Variants in ADK observed in about 807,000 individuals in gnomAD.
ADK encodes adenosine kinase, also known as N6,N6-dimethyladenosine kinase.
Under a neutral mutation model 44.7 loss-of-function variants are expected in ADK, and 24 were observed. The observed-to-expected ratio is 0.54, with a 90% CI of 0.39 to 0.76. ADK has a LOEUF of 0.76. Ranked by LOEUF, ADK falls within the 30% of genes least tolerant of loss-of-function variation. ADK has a pLI of 0.00. For synonymous variants in ADK, 128 were observed against 142.6 expected, an observed-to-expected ratio of 0.90 and a Z score of 0.73; for missense variants, 321 against 425.1, an observed-to-expected ratio of 0.76 and a Z score of 2.15.
At chr10:74,492,628 G>A (rs1479693002) in intron 6 of ADK, among the ~76,000 whole-genome samples, 3 of 152,164 alleles carry the variant, frequency 2.0e-5, no homozygotes, top group Non-Finnish European at 4.4e-5. Context: ...ATGATGTGAC[G>A]TTAACACATC....
intron 4 of ADK, among the ~76,000 whole-genome samples, chr10:74,333,091 A>G (rs190322972): frequency 1.1e-4 from 17 of 152,324 alleles, no homozygotes; most frequent in African/African-American, 3.6e-4. Context: ...TCTAACAGTT[A>G]CTTGGAGTCT....
At chr10:74,487,190 T>C (rs1847296647) in intron 6 of ADK, among the ~76,000 whole-genome samples, 1 of 152,052 alleles carries the variant, frequency 6.6e-6, no homozygotes, top group Non-Finnish European at 1.5e-5. Context: ...GGATTAGCCA[T>C]AGATATTTTG....
chr10:74,524,472 A>C (rs1848962182), intron 6 of ADK, among the ~76,000 whole-genome samples: 1 of 152,116 alleles, frequency 6.6e-6, no homozygotes, highest in South Asian at 2.1e-4. Context: ...GGCTCACTTC[A>C]ACCTCCACCA....
intron 9 of ADK, among the ~76,000 whole-genome samples, chr10:74,649,972 T>C (rs1854201540): frequency 6.6e-6 from 1 of 152,198 alleles, no homozygotes; most frequent in African/African-American, 2.4e-5. Flanking sequence ...GTCCAGTGTA[T>C]GTTCTCTTCA....
At chr10:74,274,137 C>T (rs183376571) in intron 3 of ADK, among the ~76,000 whole-genome samples, 2 of 152,280 alleles carry the variant, frequency 1.3e-5, no homozygotes, top group Middle Eastern at 3.4e-3. Context: ...TTTTTACTCT[C>T]CCAAAACTTA....
chr10:74,660,772 G>A (rs1183555868), intron 9 of ADK, among the ~76,000 whole-genome samples: 2 of 146,948 alleles, frequency 1.4e-5, no homozygotes, highest in Non-Finnish European at 3.0e-5. Context: ...AGTGGCTCAT[G>A]CCTGTAATCC....
At chr10:74,265,684 A>G (rs1196560046) in intron 3 of ADK, among the ~76,000 whole-genome samples, 2 of 152,174 alleles carry the variant, frequency 1.3e-5, no homozygotes, top group Non-Finnish European at 2.9e-5. Flanking sequence ...TTAAAATCTA[A>G]TTTTCACTTT....
chr10:74,616,163 G>A (rs199738283), intron 9 of ADK, among the ~76,000 whole-genome samples: 1 of 152,040 alleles, frequency 6.6e-6, no homozygotes, highest in African/African-American at 2.4e-5. Flanking sequence ...GCTACTCTGT[G>A]GCTTGCCTTT....
At chr10:74,459,946 C>T (rs369187193) in intron 6 of ADK, among the ~76,000 whole-genome samples, 4 of 152,124 alleles carry the variant, frequency 2.6e-5, no homozygotes, top group African/African-American at 9.6e-5. Flanking sequence ...CCTGTGATCA[C>T]TTCTTTGTTT....
chr10:74,576,328 G>A (rs544634466), intron 7 of ADK, among the ~76,000 whole-genome samples: 1 of 152,042 alleles, frequency 6.6e-6, no homozygotes, highest in South Asian at 2.1e-4. Flanking sequence ...CCAAAAGAGA[G>A]CAATTAAATA....
At chr10:74,418,162 C>G (rs1298770570) in intron 6 of ADK, among the ~76,000 whole-genome samples, 3 of 152,122 alleles carry the variant, frequency 2.0e-5, no homozygotes, top group Non-Finnish European at 2.9e-5. Flanking sequence ...CTTTTGTACT[C>G]TTTCCTAAAT....
At chr10:74,204,527 T>C (rs770100967) in intron 2 of ADK, among the ~76,000 whole-genome samples, 5 of 152,276 alleles carry the variant, frequency 3.3e-5, no homozygotes, top group Admixed American at 2.0e-4. Flanking sequence ...AATTTATAAA[T>C]GTGTAAATTT....
At chr10:74,493,282 A>G (rs915032533) in intron 6 of ADK, among the ~76,000 whole-genome samples, 1 of 151,960 alleles carries the variant, frequency 6.6e-6, no homozygotes, top group Admixed American at 6.6e-5. Flanking sequence ...CCTGGGATCA[A>G]GTGATCCTCC....
chr10:74,439,099 A>G (rs1333297722), intron 6 of ADK, among the ~76,000 whole-genome samples: 1 of 152,202 alleles, frequency 6.6e-6, no homozygotes, highest in Non-Finnish European at 1.5e-5. Context: ...AAAAGGTGAG[A>G]AAGTTATTAC....
chr10:74,600,584 C>G (rs1852088085), intron 9 of ADK, 91 bp downstream of exon 9: 1 of 538,640 alleles, frequency 1.9e-6, no homozygotes. Flanking sequence ...ATAATATATA[C>G]AATATACATA....
intron 4 of ADK, among the ~76,000 whole-genome samples, chr10:74,339,796 G>C (rs1194563678): frequency 6.6e-6 from 1 of 152,164 alleles, no homozygotes; most frequent in African/African-American, 2.4e-5. Context: ...ACTGGTGGAA[G>C]AAGAATCACT....
chr10:74,382,546 G>C (rs1448941047), intron 4 of ADK, among the ~76,000 whole-genome samples: 18 of 152,072 alleles, frequency 1.2e-4, no homozygotes, highest in Admixed American at 1.2e-3. Flanking sequence ...ACCATACCAG[G>C]TGCTGTGTTA....
chr10:74,287,186 C>T (rs146460518), intron 3 of ADK, among the ~76,000 whole-genome samples: 4 of 152,146 alleles, frequency 2.6e-5, no homozygotes, highest in East Asian at 1.9e-4. Flanking sequence ...ATCTCTTGGC[C>T]GGGCGCAGTG....
At chr10:74,597,036 C>T (rs1851949789) in intron 8 of ADK, among the ~76,000 whole-genome samples, 1 of 152,158 alleles carries the variant, frequency 6.6e-6, no homozygotes. Flanking sequence ...TCATCTTCTT[C>T]GTTATAGATA....
Sources: allele counts gnomAD v4.1 joint callset (sites outside exome capture counted in the v4.1 genomes callset), GRCh38; gene constraint gnomAD v4.1.1; transcripts MANE v1.5; gene names NCBI Gene and HGNC (gene_info 2026-07-23, HGNC 2026-07-21).